The following DNASE1 variants were observed in gnomAD, a reference collection of about 807,000 sequenced individuals.
DNASE1 encodes the protein deoxyribonuclease 1, also known as deoxyribonuclease-1.
DNASE1 carries 40 observed loss-of-function variants against 33.9 expected under a neutral mutation model. That is an observed-to-expected ratio of 1.18 (90% CI 0.92 to 1.54). The LOEUF (loss-of-function observed/expected upper bound fraction) is 1.54, where lower values mean the gene tolerates loss of function less well. Among genes scored for constraint, DNASE1 ranks in the 40% most tolerant of loss-of-function variants. The pLI is 0.00. For missense variants in DNASE1, 518 were observed against 372.6 expected (o/e 1.39, Z -3.21); for synonymous variants, 216 against 160.0 (o/e 1.35, Z -2.64).
chr16:3,613,129 A>ACTCCGCAATTCCCC (rs2151147331), intron 1 of DNASE1, among the ~76,000 whole-genome samples: 1 of 151,230 alleles, frequency 6.6e-6, no homozygotes, highest in African/African-American at 2.4e-5. Context: ...ATTCGTAGTC[A>ACTCCGCAATTCCCC]CTCCGCAATT....
At chr16:3,615,757 A>C (rs1298048036) in intron 1 of DNASE1, among the ~76,000 whole-genome samples, 1 of 152,228 alleles carries the variant, frequency 6.6e-6, no homozygotes, top group African/African-American at 2.4e-5. Context: ...GCAAAAAGGC[A>C]AAGGTTGAAG....
At chr16:3,633,218 C>T (rs8046395) in intron 1 of DNASE1, among the ~76,000 whole-genome samples, 1 of 152,174 alleles carries the variant, frequency 6.6e-6, no homozygotes. Context: ...TGGTCTTCCA[C>T]TCTTTTTCTG....
At position 3,656,655 on chromosome 16, in the gene DNASE1, C is replaced by A. The variant is rs199986334; in HGVS notation, c.338C>A (p.Ala113Glu). ...TCCCGCAGGCCTGACCAGGTGTCTG[C>A]GGTGGACAGCTACTACTACGATGAT... is the stretch of plus-strand genomic sequence containing the variant. ...LFVYRPDQVS[A>E]VDSYYYDDGC... Residue 113 changes from alanine to glutamate, a missense_variant, in exon 5 of 9, where the codon GCG becomes GAG. By Grantham distance (107) the Ala-to-Glu change is moderately radical (BLOSUM62 -1). Coordinates refer to ENST00000246949, the MANE Select transcript of DNASE1 (RefSeq NM_005223.4). The A allele has an allele frequency of 1.9e-6, 3 of 1,611,996 alleles. No individual in the cohort carries two copies. In the South Asian group the frequency reaches 3.3e-5, roughly 18 times the overall value.
At chr16:3,630,366 A>T (rs2041659893) in intron 1 of DNASE1, among the ~76,000 whole-genome samples, 1 of 151,918 alleles carries the variant, frequency 6.6e-6, no homozygotes, top group Non-Finnish European at 1.5e-5. Flanking sequence ...ACTTTTTTGT[A>T]GAGACAGGTT....
At chr16:3,641,884 C>T (rs575063603), upstream of DNASE1, among the ~76,000 whole-genome samples, 2 of 152,330 alleles carry the variant, frequency 1.3e-5, no homozygotes, top group South Asian at 4.1e-4. Context: ...TCACAGGGAC[C>T]TGGGGAGAAC....
upstream of DNASE1, chr16:3,654,467 G>C: frequency 2.5e-6 from 1 of 398,698 alleles, no homozygotes; most frequent in Non-Finnish European, 4.4e-6. Flanking sequence ...GGCTCCATTT[G>C]CAACTTTGGA....
rs2041623345 is a variant in DNASE1 at position 3,629,215 on chromosome 16, T to C, written c.-1358-11500T>C. ...AAAAATTGTAATAAGCTTTCTCGGG[T>C]TTAACAATGTAGGTTTTTCAAATAT... On this transcript the variant is annotated intron_variant and NMD_transcript_variant, in intron 1 of 11. Transcript: ENST00000570769. Among the ~76,000 whole-genome samples, 5 of 150,914 alleles carry C rather than the reference T, an allele frequency of 3.3e-5. No homozygotes were observed. The South Asian group carries it at 1.1e-3, about 32-fold the overall frequency.
At chr16:3,627,575 T>A (rs1447944604) in intron 1 of DNASE1, among the ~76,000 whole-genome samples, 4 of 152,174 alleles carry the variant, frequency 2.6e-5, no homozygotes, top group Admixed American at 6.6e-5. Context: ...CTTGTCTGTG[T>A]TTTCTTTTGT....
intron 1 of DNASE1, among the ~76,000 whole-genome samples, chr16:3,629,121 G>A (rs753775360): frequency 1.4e-5 from 2 of 144,014 alleles, no homozygotes; most frequent in African/African-American, 5.2e-5. Flanking sequence ...GCAGTGAGCC[G>A]AGATTGCGCC....
intron 1 of DNASE1, among the ~76,000 whole-genome samples, chr16:3,619,708 G>A (rs1157452207): frequency 6.6e-6 from 1 of 151,242 alleles, no homozygotes; most frequent in Non-Finnish European, 1.5e-5. Flanking sequence ...CACAGGTCTT[G>A]CTATGTTGCC....
At chr16:3,655,160 G>A (rs983962328) in intron 1 of DNASE1, 116 bp downstream of exon 1, 53 of 639,470 alleles carry the variant, frequency 8.3e-5, no homozygotes, top group South Asian at 1.4e-4. Flanking sequence ...CCTCCCGGGC[G>A]GGTTTTCTGG....
At position 3,654,957 on chromosome 16, in the gene DNASE1, G is replaced by A. The variant is rs867759825; in HGVS notation, c.-89G>A. The A allele has an allele frequency of 1.7e-5, 8 of 459,100 alleles. No individual in the cohort carries two copies. Among genetic ancestry groups the A allele is most frequent in the South Asian group, 6.0e-5 (1 of 16,644 alleles). The allele number at this position is 459,100 out of a possible 1,614,324, so 28.4% of individuals were successfully genotyped here. A position where few individuals can be genotyped will look rare whatever the true frequency, so the allele number is the denominator to read the frequency against. ...TCATAGACTACTTTTTTTTCTTTAA[G>A]CAGCAAAAGGAGAAAATTGTCATCA... On this transcript the variant is annotated 5_prime_UTR_variant, in exon 1 of 9. Transcript: ENST00000246949.
chr16:3,624,157 A>G (rs888382087), intron 1 of DNASE1, among the ~76,000 whole-genome samples: 1 of 151,876 alleles, frequency 6.6e-6, no homozygotes, highest in African/African-American at 2.4e-5. Flanking sequence ...CACGCCTGTA[A>G]TCCCAGGAAG....
At chr16:3,665,435 G>A (rs1049043773) in exon 10 of DNASE1, 4 of 154,364 alleles carry the variant, frequency 2.6e-5, no homozygotes, top group Admixed American at 6.3e-5. Flanking sequence ...TATGTAAGTT[G>A]TATCTCAATA....
intron 7 of DNASE1, 61 bp from the exon 8 acceptor site, chr16:3,657,659 G>A: frequency 6.2e-7 from 1 of 1,603,368 alleles, no homozygotes; most frequent in Non-Finnish European, 8.5e-7. Context: ...AGTTCCTGCG[G>A]GTGCTGAGCC....
chr16:3,658,332 A>C (rs142555666), downstream of DNASE1: 421 of 940,054 alleles, frequency 4.5e-4, 5 homozygotes, highest in East Asian at 0.011. Flanking sequence ...TGGAGTGCAG[A>C]GGCACGATCT....
At chr16:3,654,318 C>T (rs1043663205), upstream of DNASE1, 8 of 398,500 alleles carry the variant, frequency 2.0e-5, no homozygotes, top group African/African-American at 6.2e-5. Flanking sequence ...GGCCCCACGG[C>T]GCTGGTGCTG....
chr16:3,623,825 A>G (rs1286824708), intron 1 of DNASE1, among the ~76,000 whole-genome samples: 1 of 152,222 alleles, frequency 6.6e-6, no homozygotes, highest in Middle Eastern at 3.2e-3. Context: ...ATCAGTAATC[A>G]TCAGAGAAAT....
At chr16:3,652,896 C>G (rs1224362866), upstream of DNASE1, 2 of 152,382 alleles carry the variant, frequency 1.3e-5, no homozygotes, top group Non-Finnish European at 2.9e-5. Context: ...GGACTTCTGC[C>G]AAGCCTTCCA....
Sources: allele counts gnomAD v4.1 joint callset (sites outside exome capture counted in the v4.1 genomes callset), GRCh38; gene constraint gnomAD v4.1.1; transcripts MANE v1.5; gene names NCBI Gene and HGNC (gene_info 2026-07-23, HGNC 2026-07-21).